The following QTMAN variants were observed in gnomAD, a reference collection of about 807,000 sequenced individuals.
The protein encoded by QTMAN is tRNA-queuosine alpha-mannosyltransferase.
chr2:144,230,755 C>T, the QTMAN span, among the ~76,000 whole-genome samples: 1 of 152,048 alleles, frequency 6.6e-6, no homozygotes, highest in Non-Finnish European at 1.5e-5. Context: ...TGATGCATTT[C>T]AATTGCTGCT....
the QTMAN span, among the ~76,000 whole-genome samples, chr2:144,052,056 G>A: frequency 1.1e-4 from 17 of 152,136 alleles, no homozygotes; most frequent in African/African-American, 1.9e-4. Context: ...CAAATGGGGC[G>A]ACTGAGTTGT....
the QTMAN span, among the ~76,000 whole-genome samples, chr2:144,323,434 T>A: frequency 6.6e-6 from 1 of 152,224 alleles, no homozygotes; most frequent in Non-Finnish European, 1.5e-5. Flanking sequence ...AATACCATGA[T>A]TACTAGGTAC....
At chr2:144,058,444 T>G in the QTMAN span, among the ~76,000 whole-genome samples, 2 of 152,138 alleles carry the variant, frequency 1.3e-5, no homozygotes, top group Non-Finnish European at 2.9e-5. Flanking sequence ...ACCCAGCATA[T>G]TGTCACTTTC....
the QTMAN span, among the ~76,000 whole-genome samples, chr2:144,076,498 C>T: frequency 6.6e-6 from 1 of 152,090 alleles, no homozygotes; most frequent in Non-Finnish European, 1.5e-5. Flanking sequence ...TAAATTGATG[C>T]CACAGGACAG....
the QTMAN span, among the ~76,000 whole-genome samples, chr2:144,149,363 A>C: frequency 6.6e-6 from 1 of 151,960 alleles, no homozygotes; most frequent in South Asian, 2.1e-4. Flanking sequence ...TTTATGTTTA[A>C]TATTTTTAAA....
the QTMAN span, among the ~76,000 whole-genome samples, chr2:144,294,687 T>C: frequency 6.6e-6 from 1 of 152,296 alleles, no homozygotes; most frequent in South Asian, 2.1e-4. Flanking sequence ...CTTATAGCTA[T>C]ATATAAGTAA....
chr2:144,187,603 C>T, the QTMAN span, among the ~76,000 whole-genome samples: 1 of 152,160 alleles, frequency 6.6e-6, no homozygotes, highest in Non-Finnish European at 1.5e-5. Context: ...AAATATCTTA[C>T]AGCGTCTTCT....
the QTMAN span, among the ~76,000 whole-genome samples, chr2:144,186,751 T>C: frequency 6.6e-6 from 1 of 152,238 alleles, no homozygotes; most frequent in Non-Finnish European, 1.5e-5. Context: ...TTCAAACCTG[T>C]TATTGATTTT....
chr2:144,202,241 G>C, the QTMAN span, among the ~76,000 whole-genome samples: 2 of 152,128 alleles, frequency 1.3e-5, no homozygotes, highest in South Asian at 2.1e-4. Context: ...GGAAAGGAAA[G>C]GGCAACAGAG....
chr2:144,019,166 C>A, the QTMAN span, among the ~76,000 whole-genome samples: 2 of 152,212 alleles, frequency 1.3e-5, no homozygotes, highest in African/African-American at 4.8e-5. Context: ...CAGATTGGGT[C>A]TGAATAAACA....
chr2:144,123,226 A>C, the QTMAN span, among the ~76,000 whole-genome samples: 1 of 152,092 alleles, frequency 6.6e-6, no homozygotes, highest in African/African-American at 2.4e-5. Context: ...TACTATACCA[A>C]ATTTTCCCAA....
the QTMAN span, among the ~76,000 whole-genome samples, chr2:144,254,071 C>T: frequency 6.6e-6 from 1 of 152,328 alleles, no homozygotes; most frequent in African/African-American, 2.4e-5. Context: ...AGGGTGCAAG[C>T]CCCAGCCTTG....
the QTMAN span, among the ~76,000 whole-genome samples, chr2:144,075,068 T>C: frequency 6.6e-6 from 1 of 152,210 alleles, no homozygotes; most frequent in Non-Finnish European, 1.5e-5. Context: ...GTTTTGTAAT[T>C]AGTATTATAA....
the QTMAN span, among the ~76,000 whole-genome samples, chr2:144,200,860 T>C: frequency 1.3e-5 from 2 of 152,302 alleles, no homozygotes; most frequent in Middle Eastern, 3.4e-3. Flanking sequence ...TGTGTTTCTA[T>C]GTAGAAGAGA....
At chr2:144,191,698 A>G in the QTMAN span, among the ~76,000 whole-genome samples, 1 of 152,192 alleles carries the variant, frequency 6.6e-6, no homozygotes, top group Non-Finnish European at 1.5e-5. Context: ...ACTTAGATAT[A>G]ATAAAATATT....
the QTMAN span, among the ~76,000 whole-genome samples, chr2:144,171,023 C>A: frequency 6.6e-6 from 1 of 152,060 alleles, no homozygotes; most frequent in African/African-American, 2.4e-5. Flanking sequence ...AATAGCAGTA[C>A]CACTGTTCAC....
At chr2:144,125,505 T>C in the QTMAN span, among the ~76,000 whole-genome samples, 1 of 152,056 alleles carries the variant, frequency 6.6e-6, no homozygotes. Flanking sequence ...ACCTGCTGTG[T>C]AGTGTTGTGA....
the QTMAN span, among the ~76,000 whole-genome samples, chr2:144,223,490 T>C: frequency 6.6e-6 from 1 of 152,164 alleles, no homozygotes; most frequent in Non-Finnish European, 1.5e-5. Context: ...CCAGAGCAGA[T>C]CACCTCCAAC....
chr2:143,952,824 C>T, the QTMAN span: 1 of 1,607,404 alleles, frequency 6.2e-7, no homozygotes, highest in South Asian at 1.1e-5. Flanking sequence ...GGGTAACACC[C>T]ACAGTACACA....
Sources: gnomAD v4.1 joint callset for allele counts (sites outside exome capture counted in the v4.1 genomes callset) on GRCh38, gnomAD v4.1.1 for gene constraint, MANE v1.5 for transcripts, NCBI Gene and HGNC (gene_info 2026-07-23, HGNC 2026-07-21) for gene names.